Variants in ADGRL3 observed in about 807,000 individuals in gnomAD.
ADGRL3 encodes the protein adhesion G protein-coupled receptor L3, also known as calcium-independent alpha-latrotoxin receptor 3.
ADGRL3 carries 62 observed loss-of-function variants against 153.5 expected under a neutral mutation model. The observed-to-expected ratio is 0.40, with a 90% CI of 0.33 to 0.50. The LOEUF is 0.50. Ranked by LOEUF, ADGRL3 falls within the 20% of genes least tolerant of loss-of-function variation. The pLI is 0.47. For missense variants in ADGRL3, 1,641 were observed against 1,859.4 expected, an observed-to-expected ratio of 0.88 and a Z score of 2.16; for synonymous variants, 710 against 672.5, an observed-to-expected ratio of 1.06 and a Z score of -0.86.
intron 21 of ADGRL3, 40 bp downstream of exon 21, chr4:61,998,305 C>A: frequency 2.9e-6 from 3 of 1,016,982 alleles, no homozygotes; most frequent in South Asian, 1.6e-5. Context: ...GGTTGTGTTA[C>A]ATTTATACTC....
chr4:61,958,874 T>C (rs2098977674), intron 17 of ADGRL3, among the ~76,000 whole-genome samples: 1 of 152,134 alleles, frequency 6.6e-6, no homozygotes, highest in African/African-American at 2.4e-5. Context: ...AGAGCCTGTC[T>C]CATCTACTTG....
chr4:61,522,672 A>G (rs2098538087), intron 4 of ADGRL3, among the ~76,000 whole-genome samples: 1 of 152,112 alleles, frequency 6.6e-6, no homozygotes, highest in South Asian at 2.1e-4. Flanking sequence ...AGTCATTCAC[A>G]CTGGGCTAAA....
intron 9 of ADGRL3, among the ~76,000 whole-genome samples, chr4:61,826,992 A>G (rs2148811392): frequency 6.6e-6 from 1 of 151,910 alleles, no homozygotes. Context: ...TTTCCCTTCC[A>G]TTTCCCACAC....
chr4:61,541,588 A>G (rs980859722), intron 4 of ADGRL3, among the ~76,000 whole-genome samples: 1 of 152,080 alleles, frequency 6.6e-6, no homozygotes, highest in Non-Finnish European at 1.5e-5. Context: ...CATTATGACC[A>G]GAAAGTTGCT....
intron 2 of ADGRL3, among the ~76,000 whole-genome samples, chr4:61,457,721 T>C (rs1560667791): frequency 6.6e-6 from 1 of 151,914 alleles, no homozygotes; most frequent in Non-Finnish European, 1.5e-5. Flanking sequence ...TACTATGTGC[T>C]TGAGCTTTAG....
At chr4:61,339,297 CA>C (rs942930298) in intron 1 of ADGRL3, among the ~76,000 whole-genome samples, 2 of 152,056 alleles carry the variant, frequency 1.3e-5, no homozygotes, top group African/African-American at 2.4e-5. Flanking sequence ...ATTAGGTGCT[CA>C]GGGGTGTAAA....
intron 22 of ADGRL3, among the ~76,000 whole-genome samples, chr4:62,029,707 T>G (rs949889248): frequency 1.4e-4 from 20 of 147,800 alleles, no homozygotes; most frequent in African/African-American, 3.9e-4. Flanking sequence ...TTTTGTTGTT[T>G]TTTTTTTTTT....
chr4:61,435,751 GAA>G (rs2097436948), intron 2 of ADGRL3, among the ~76,000 whole-genome samples: 1 of 152,020 alleles, frequency 6.6e-6, no homozygotes, highest in Admixed American at 6.6e-5. Flanking sequence ...AACAGTCAGT[GAA>G]ACCATCTCAA....
chr4:61,551,468 C>T (rs903806556), intron 4 of ADGRL3, among the ~76,000 whole-genome samples: 1 of 151,956 alleles, frequency 6.6e-6, no homozygotes. Context: ...AATTTTAATT[C>T]TAGAGGATAC....
chr4:61,711,481 TATATATATATAC>T (rs1372042126), intron 6 of ADGRL3, among the ~76,000 whole-genome samples: 2 of 101,700 alleles, frequency 2.0e-5, no homozygotes, highest in African/African-American at 7.3e-5. Flanking sequence ...TATATATATA[TATATATATATAC>T]ACACACACAC....
At chr4:61,496,693 G>A (rs1184047861) in intron 2 of ADGRL3, among the ~76,000 whole-genome samples, 2 of 152,028 alleles carry the variant, frequency 1.3e-5, no homozygotes, top group African/African-American at 2.4e-5. Context: ...TGTAATCCCT[G>A]CACTTTGGGA....
intron 4 of ADGRL3, among the ~76,000 whole-genome samples, chr4:61,541,951 C>G (rs925855466): frequency 5.3e-5 from 8 of 151,840 alleles, no homozygotes; most frequent in African/African-American, 1.9e-4. Context: ...TGACTATCAC[C>G]ATGTTTTGTG....
intron 1 of ADGRL3, among the ~76,000 whole-genome samples, chr4:61,280,581 A>G (rs372549166): frequency 2.2e-4 from 34 of 152,228 alleles, no homozygotes; most frequent in African/African-American, 6.7e-4. Context: ...TCCTTCCCCA[A>G]TGATAGTTTT....
At chr4:61,535,778 T>C (rs1296087244) in intron 4 of ADGRL3, among the ~76,000 whole-genome samples, 1 of 151,940 alleles carries the variant, frequency 6.6e-6, no homozygotes, top group Non-Finnish European at 1.5e-5. Flanking sequence ...TTTGGCATTG[T>C]GCTTTTTTCC....
intron 5 of ADGRL3, among the ~76,000 whole-genome samples, chr4:61,675,348 G>T (rs1055647864): frequency 1.3e-5 from 2 of 151,768 alleles, no homozygotes; most frequent in Non-Finnish European, 2.9e-5. Flanking sequence ...ATAAAACACA[G>T]GGGATAATTA....
intron 11 of ADGRL3, among the ~76,000 whole-genome samples, chr4:61,905,018 C>T (rs1399113320): frequency 6.6e-6 from 1 of 151,928 alleles, no homozygotes; most frequent in Admixed American, 6.6e-5. Context: ...CATAAGAACC[C>T]ATGATTAACA....
chr4:61,590,062 A>T (rs1035241592), intron 5 of ADGRL3, among the ~76,000 whole-genome samples: 1 of 152,104 alleles, frequency 6.6e-6, no homozygotes, highest in African/African-American at 2.4e-5. Flanking sequence ...CTAACCAGAG[A>T]ACTTATTAAA....
At chr4:61,491,230 G>C (rs1255109872) in intron 2 of ADGRL3, among the ~76,000 whole-genome samples, 1 of 152,032 alleles carries the variant, frequency 6.6e-6, no homozygotes, top group South Asian at 2.1e-4. Context: ...ACTTCGTAGG[G>C]CATGGATTAT....
intron 5 of ADGRL3, among the ~76,000 whole-genome samples, chr4:61,620,618 A>G (rs1296297100): frequency 7.1e-6 from 1 of 141,012 alleles, no homozygotes; most frequent in Non-Finnish European, 1.5e-5. Context: ...TATGGTATAT[A>G]TAGTGTAAAT....
Sources: allele counts gnomAD v4.1 joint callset (sites outside exome capture counted in the v4.1 genomes callset), GRCh38; gene constraint gnomAD v4.1.1; transcripts MANE v1.5; gene names NCBI Gene and HGNC (gene_info 2026-07-23, HGNC 2026-07-21).